The following AFF3 variants were observed in gnomAD, a reference collection of about 807,000 sequenced individuals.
AFF3 encodes the protein AF4/FMR2 family member 3.
In AFF3, 32 loss-of-function variants were observed where a neutral mutation model predicts 129.7. That is an observed-to-expected ratio of 0.25 (90% CI 0.19 to 0.33). The LOEUF (loss-of-function observed/expected upper bound fraction) is 0.33, where lower values mean the gene tolerates loss of function less well. AFF3 is among the 10% of genes least tolerant of loss of function. The pLI is 1.00. For missense variants in AFF3, 1,373 were observed against 1,592.0 expected, an observed-to-expected ratio of 0.86 and a Z score of 2.34; for synonymous variants, 644 against 635.4, an observed-to-expected ratio of 1.01 and a Z score of -0.20.
chr2:99,595,542 A>G (rs1679200384), intron 14 of AFF3, among the ~76,000 whole-genome samples: 1 of 152,146 alleles, frequency 6.6e-6, no homozygotes, highest in Non-Finnish European at 1.5e-5. Context: ...AACACAATAA[A>G]TAAAAATAAT....
At chr2:99,988,943 C>T (rs1357834139) in intron 7 of AFF3, among the ~76,000 whole-genome samples, 1 of 152,022 alleles carries the variant, frequency 6.6e-6, no homozygotes, top group Non-Finnish European at 1.5e-5. Flanking sequence ...GGCAAGAAGC[C>T]AGGTGGTGAT....
intron 7 of AFF3, among the ~76,000 whole-genome samples, chr2:99,865,856 G>A (rs1038152227): frequency 6.6e-6 from 1 of 152,130 alleles, no homozygotes; most frequent in African/African-American, 2.4e-5. Flanking sequence ...GTTATGATGT[G>A]GACAAGAGAT....
At chr2:99,845,017 G>T (rs1196932629) in intron 7 of AFF3, among the ~76,000 whole-genome samples, 1 of 151,778 alleles carries the variant, frequency 6.6e-6, no homozygotes, top group Non-Finnish European at 1.5e-5. Context: ...AATAATGCCG[G>T]TTATCTACAT....
At chr2:99,719,961 C>T (rs1032969555) in intron 11 of AFF3, among the ~76,000 whole-genome samples, 3 of 152,094 alleles carry the variant, frequency 2.0e-5, no homozygotes, top group African/African-American at 4.8e-5. Context: ...GGCGTGAACC[C>T]GGGAGGCGGA....
chr2:99,781,431 T>C (rs770576189), intron 8 of AFF3, among the ~76,000 whole-genome samples: 2 of 152,240 alleles, frequency 1.3e-5, no homozygotes, highest in Non-Finnish European at 2.9e-5. Flanking sequence ...ATAGGAAACC[T>C]TCTCTGTTTG....
intron 22 of AFF3, among the ~76,000 whole-genome samples, chr2:99,558,419 G>A (rs1240533207): frequency 6.6e-6 from 1 of 152,006 alleles, no homozygotes; most frequent in African/African-American, 2.4e-5. Context: ...TCAGGAGTTC[G>A]AGACCAGCAT....
intron 7 of AFF3, among the ~76,000 whole-genome samples, chr2:99,937,848 T>G (rs1413159228): frequency 6.6e-6 from 1 of 152,232 alleles, no homozygotes; most frequent in Non-Finnish European, 1.5e-5. Context: ...ACATTCAGAA[T>G]GCACAATCCC....
At chr2:100,116,849 A>G (rs979341337) in intron 2 of AFF3, among the ~76,000 whole-genome samples, 7 of 152,054 alleles carry the variant, frequency 4.6e-5, no homozygotes, top group Admixed American at 1.3e-4. Context: ...CTGGTGAACA[A>G]TTCTCTGTTT....
At chr2:99,729,839 G>T (rs1036972651) in intron 10 of AFF3, among the ~76,000 whole-genome samples, 1 of 150,950 alleles carries the variant, frequency 6.6e-6, no homozygotes, top group African/African-American at 2.4e-5. Flanking sequence ...TTTCATGATG[G>T]ATATTTCATG....
intron 14 of AFF3, 60 bp from the exon 15 acceptor site, chr2:99,594,349 G>T: frequency 6.5e-7 from 1 of 1,534,232 alleles, no homozygotes; most frequent in Non-Finnish European, 8.8e-7. Context: ...ACTTAAAAGG[G>T]GCCTGGCTGT....
intron 11 of AFF3, among the ~76,000 whole-genome samples, chr2:99,696,586 C>T (rs926711993): frequency 1.3e-5 from 2 of 152,162 alleles, no homozygotes; most frequent in Admixed American, 1.3e-4. Context: ...AAGCCCAGAG[C>T]ATGGACTAAC....
chr2:99,759,998 C>A (rs1382575972), intron 8 of AFF3, among the ~76,000 whole-genome samples: 6 of 152,162 alleles, frequency 3.9e-5, no homozygotes, highest in Non-Finnish European at 5.9e-5. Flanking sequence ...GGGGATATAA[C>A]TATCCCATGG....
intron 17 of AFF3, among the ~76,000 whole-genome samples, chr2:99,582,207 G>A (rs1215049488): frequency 6.6e-6 from 1 of 152,104 alleles, no homozygotes; most frequent in Admixed American, 6.6e-5. Context: ...CCATTTTGCA[G>A]GTAAAGAAAC....
chr2:100,015,886 A>T (rs1334469338), intron 4 of AFF3, among the ~76,000 whole-genome samples: 5 of 151,394 alleles, frequency 3.3e-5, no homozygotes, highest in Non-Finnish European at 7.4e-5. Flanking sequence ...TGATAGTGGC[A>T]GCAGAAGTAC....
rs80009590 is a variant in AFF3, at chr2:99,619,383, C to T, written c.1185-17762G>A. 3.9e-5 allele frequency among the ~76,000 whole-genome samples: 6 copies of T among 152,306 alleles called. No homozygotes were observed. In the East Asian group the frequency reaches 1.2e-3, roughly 29 times the overall value. ...TGGCCATATCAGCTCAAGCTGTGAT[C>T]TTGTTAGCTGTCATAAACCAAGCTG... On this transcript the variant is annotated intron_variant, in intron 13 of 24. Transcript: ENST00000672756.
chr2:100,027,403 A>C (rs950925550), intron 4 of AFF3, among the ~76,000 whole-genome samples: 1 of 152,198 alleles, frequency 6.6e-6, no homozygotes, highest in Admixed American at 6.5e-5. Flanking sequence ...GTCTCCTTCC[A>C]AGAGATACAG....
At position 99,551,566 on chromosome 2, in the gene AFF3, C is replaced by T. The variant is rs765633789; in HGVS notation, c.3589G>A (p.Gly1197Arg). Reference protein sequence around the residue: ...EFFNDLDLLMGPVTLHSSMEH... With the variant: ...EFFNDLDLLMRPVTLHSSMEH... ...ATGCTGCTGTGCAGGGTGACCGGCC[C>T]CATGAGCAGATCCAGGTCGTTGAAG... is the stretch of plus-strand genomic sequence containing the variant. The change falls in exon 25 of 25, where the codon GGG becomes AGG. Residue 1197 changes from glycine to arginine, a missense_variant. By Grantham distance (125) the Gly-to-Arg change is moderately radical. Around this residue, in one of 9 missense-constraint regions of AFF3, gnomAD observed 165 missense variants for 234.0 expected, o/e 0.71. Transcript: ENST00000672756. The T allele has an allele frequency of 2.5e-6, 4 of 1,614,052 alleles. No homozygotes were observed. The highest frequency in any genetic ancestry group is 2.5e-6 in the Non-Finnish European group (3 of 1,180,010).
At chr2:99,708,242 TA>T (rs921061505) in intron 11 of AFF3, among the ~76,000 whole-genome samples, 1 of 152,010 alleles carries the variant, frequency 6.6e-6, no homozygotes, top group African/African-American at 2.4e-5. Context: ...GAAGGGATTT[TA>T]AAAAAAACAA....
chr2:99,840,520 C>T (rs1358117115), intron 7 of AFF3, among the ~76,000 whole-genome samples: 1 of 152,202 alleles, frequency 6.6e-6, no homozygotes, highest in Non-Finnish European at 1.5e-5. Flanking sequence ...TTGGCTTATC[C>T]TTATAAGCCA....
Sources: allele counts gnomAD v4.1 joint callset (sites outside exome capture counted in the v4.1 genomes callset), GRCh38; gene constraint gnomAD v4.1.1; regional missense constraint gnomAD v4.1.1; transcripts MANE v1.5; gene names NCBI Gene and HGNC (gene_info 2026-07-23, HGNC 2026-07-21).